COG4: variants seen among roughly 807,000 people sequenced by gnomAD.
COG4 encodes component of oligomeric golgi complex 4, also known as conserved oligomeric Golgi complex subunit 4.
COG4 carries 65 observed loss-of-function variants against 95.1 expected under a neutral mutation model. The ratio of observed to expected loss-of-function variants is 0.68; its 90% CI spans 0.56 to 0.84. The LOEUF (loss-of-function observed/expected upper bound fraction) is 0.84. Ranked by LOEUF, COG4 falls within the 40% of genes least tolerant of loss-of-function variation. The probability of loss-of-function intolerance (pLI) is 0.00; values close to 1 mark genes in which losing one functional copy is unlikely to be tolerated. For synonymous variants in COG4, 421 were observed against 374.8 expected, an observed-to-expected ratio of 1.12 and a Z score of -1.42; for missense variants, 1,045 against 989.1, an observed-to-expected ratio of 1.06 and a Z score of -0.76.
intron 13 of COG4, among the ~76,000 whole-genome samples, chr16:70,485,553 C>G (rs1055054585): frequency 7.3e-5 from 11 of 149,968 alleles, no homozygotes; most frequent in Non-Finnish European, 3.0e-5. Context: ...GACTCTAGGC[C>G]AGGTATTCTG....
chr16:70,517,653 G>C lies in COG4; in HGVS notation c.342C>G (p.Ser114Arg). The C allele has an allele frequency of 6.3e-7, 1 of 1,583,100 alleles. No individual in the cohort carries two copies. ...FTCNLAENVS[S>R]KVRQLDLAKN... ...TGGCCAGGTCAAGCTGACGAACTTTGCTGGACACATTCTCAGCCAGGTTGC... is the reference window on the plus strand; with the variant it reads ...TGGCCAGGTCAAGCTGACGAACTTTCCTGGACACATTCTCAGCCAGGTTGC... Residue 114 changes from serine to arginine, a missense_variant, in exon 3 of 19, where the codon AGC (serine) becomes AGG (arginine). Physicochemically the swap from Ser to Arg is moderately radical, Grantham distance 110 (BLOSUM62 -1). Transcript: ENST00000323786.
chr16:70,495,207 A>G (rs907964548), intron 12 of COG4, among the ~76,000 whole-genome samples: 2 of 151,016 alleles, frequency 1.3e-5, no homozygotes, highest in Non-Finnish European at 2.9e-5. Context: ...CCTGGCCAAC[A>G]TGGCAAAACC....
At chr16:70,492,200 C>T (rs911302122) in intron 12 of COG4, among the ~76,000 whole-genome samples, 1 of 152,162 alleles carries the variant, frequency 6.6e-6, no homozygotes, top group Non-Finnish European at 1.5e-5. Flanking sequence ...ACCCCTTCCC[C>T]CATAATTTGC....
chr16:70,523,477 C>A lies in COG4; in HGVS notation c.67G>T (p.Gly23Trp), dbSNP rs367707841. 1 of 1,614,032 alleles carries A rather than the reference C, an allele frequency of 6.2e-7. No homozygotes were observed. Among genetic ancestry groups the A allele is most frequent in the Admixed American group, 1.7e-5 (1 of 60,000 alleles). Residue 23 changes from glycine (G) to tryptophan (W), a missense_variant, in exon 1 of 19, where the codon GGG (glycine) becomes TGG (tryptophan). Coordinates refer to ENST00000323786, the MANE Select transcript of COG4 (RefSeq NM_015386.3). ...KLSGVQQPSE[G>W]VGGGRCSEIS... Reference sequence around the variant, plus strand: ...TCGGAGCAGCGGCCACCTCCCACCCCCTCAGACGGCTGCTGCACCCCTGAC... The same window carrying A: ...TCGGAGCAGCGGCCACCTCCCACCCACTCAGACGGCTGCTGCACCCCTGAC...
rs768308043 is a variant in COG4 at position 70,483,951 on chromosome 16, A to G, written c.1729T>C (p.Phe577Leu). ...KTLESDCTKL[F>L]SQGIGGEQAQ... ...TGCTCCCCTCCAATGCCCTGGCTGA[A>G]GAGCTTGGTGCAGTCACTCTAGGGG... The change falls in exon 14 of 19, where the codon TTC becomes CTC. Residue 577 changes from phenylalanine (F) to leucine (L), a missense_variant. By Grantham distance (22) the Phe-to-Leu change is conservative. Coordinates refer to ENST00000323786, the MANE Select transcript of COG4 (RefSeq NM_015386.3). 1 of 1,612,590 alleles carries G rather than the reference A, an allele frequency of 6.2e-7. No individual in the cohort carries two copies. Among genetic ancestry groups the G allele is most frequent in the Non-Finnish European group, 8.5e-7 (1 of 1,179,838 alleles).
At chr16:70,516,675 T>C (rs1370075254) in intron 3 of COG4, among the ~76,000 whole-genome samples, 3 of 152,162 alleles carry the variant, frequency 2.0e-5, no homozygotes, top group Non-Finnish European at 4.4e-5. Context: ...GGCTTTGTTA[T>C]CTCACATTAG....
intron 2 of COG4, among the ~76,000 whole-genome samples, chr16:70,518,985 A>G (rs2049881373): frequency 2.0e-5 from 3 of 152,066 alleles, no homozygotes; most frequent in African/African-American, 7.2e-5. Flanking sequence ...CTCAAAAAAA[A>G]AAAAAAAGGT....
At chr16:70,486,723 G>A (rs574501717) in intron 13 of COG4, among the ~76,000 whole-genome samples, 2 of 152,348 alleles carry the variant, frequency 1.3e-5, no homozygotes, top group South Asian at 2.1e-4. Flanking sequence ...TCGGCCGGGC[G>A]CCGTGGCTCA....
intron 12 of COG4, among the ~76,000 whole-genome samples, chr16:70,495,105 T>G (rs2049312738): frequency 6.6e-6 from 1 of 151,794 alleles, no homozygotes; most frequent in Non-Finnish European, 1.5e-5. Context: ...TTTAAGAATA[T>G]GATAACCAGG....
rs758545148 is a variant in COG4 at position 70,496,336 on chromosome 16, C to T, written c.1577G>A (p.Ser526Asn). The T allele has an allele frequency of 6.2e-7, 1 of 1,614,202 alleles. No individual in the cohort carries two copies. Among genetic ancestry groups the T allele is most frequent in the Non-Finnish European group, 8.5e-7 (1 of 1,180,030 alleles). ...GTCAAATTTGCCTTGCTGGAGGCTG[C>T]TGTGCATGATGTTCACGGCACTTGT... ...GVTSAVNIMH[S>N]SLQQGKFDTK... The change falls in exon 12 of 19, where the codon AGC becomes AAC. Residue 526 changes from serine to asparagine, a missense_variant. Ser to Asn is a conservative substitution (Grantham distance 46). Transcript: ENST00000323786.
chr16:70,509,996 A>C lies in COG4; in HGVS notation c.764T>G (p.Leu255Arg), dbSNP rs1460244260. ...CATGTCTGTCCCCAGCACCATGAGCAGATTCTCCTCAGCTTTACTGGCCAC... is the reference window on the plus strand; with the variant it reads ...CATGTCTGTCCCCAGCACCATGAGCCGATTCTCCTCAGCTTTACTGGCCAC... ...KQVASKAEENLLMVLGTDMSD... is the reference protein window; with the variant it reads ...KQVASKAEENRLMVLGTDMSD... Residue 255 changes from leucine to arginine, a missense_variant, in exon 6 of 19, where the codon CTG becomes CGG. Transcript: ENST00000323786. The C allele has an allele frequency of 5.6e-6, 9 of 1,613,940 alleles. No homozygotes were observed. Among genetic ancestry groups the C allele is most frequent in the Non-Finnish European group, 7.6e-6 (9 of 1,179,964 alleles).
Position 70,501,020 on chromosome 16 carries a change from T to C in COG4, c.1133A>G (p.Lys378Arg). The C allele has an allele frequency of 6.2e-7, 1 of 1,614,044 alleles. No individual in the cohort carries two copies. ...ARSELYLRFL[K>R]KRISSDFEVG... ...CTCAAAATCAGAGCTAATCCTCTTC[T>C]TGAGGAAGCGTAAGTATAGCTCACT... is the stretch of plus-strand genomic sequence containing the variant. The change falls in exon 9 of 19, where the codon AAG becomes AGG. Residue 378 changes from lysine (K) to arginine (R), a missense_variant. By Grantham distance (26) the Lys-to-Arg change is conservative. Transcript: ENST00000323786.
At chr16:70,484,079 G>A (rs563485551) in intron 13 of COG4, 110 bp from the exon 14 acceptor site, 64 of 839,192 alleles carry the variant, frequency 7.6e-5, no homozygotes, top group African/African-American at 3.7e-4. Flanking sequence ...TCAAGAGCCC[G>A]GATGGGTTTC....
chr16:70,490,463 G>T, intron 12 of COG4, 71 bp from the exon 13 acceptor site: 2 of 1,248,422 alleles, frequency 1.6e-6, no homozygotes, highest in Non-Finnish European at 2.4e-6. Flanking sequence ...TGCCAGACTG[G>T]CTGACAGCTG....
intron 9 of COG4, among the ~76,000 whole-genome samples, chr16:70,499,951 C>T (rs1032320312): frequency 3.9e-5 from 6 of 151,910 alleles, no homozygotes; most frequent in African/African-American, 1.2e-4. Context: ...TGAGCCACCG[C>T]GCCCGACCTA....
chr16:70,516,612 T>C (rs1221290486), intron 3 of COG4, among the ~76,000 whole-genome samples: 1 of 152,112 alleles, frequency 6.6e-6, no homozygotes, highest in Non-Finnish European at 1.5e-5. Context: ...AGTACCTTTA[T>C]GTCTATATTC....
At chr16:70,499,662 A>G (rs1297051590) in intron 9 of COG4, among the ~76,000 whole-genome samples, 1 of 152,102 alleles carries the variant, frequency 6.6e-6, no homozygotes, top group Non-Finnish European at 1.5e-5. Flanking sequence ...TGCCTTTTAA[A>G]CAATTTATTT....
intron 7 of COG4, chr16:70,508,707 T>C (rs180946015): frequency 5.1e-5 from 33 of 648,560 alleles, no homozygotes; most frequent in Middle Eastern, 2.5e-4. Context: ...GGTGTTCCAA[T>C]AGACTACTGT....
At chr16:70,507,309 CATA>C (rs1428816765) in intron 8 of COG4, among the ~76,000 whole-genome samples, 1 of 151,992 alleles carries the variant, frequency 6.6e-6, no homozygotes. Context: ...AGAGGGTTCC[CATA>C]ATATTATACC....
Sources: allele counts gnomAD v4.1 joint callset (sites outside exome capture counted in the v4.1 genomes callset), GRCh38; gene constraint gnomAD v4.1.1; transcripts MANE v1.5; gene names NCBI Gene and HGNC (gene_info 2026-07-23, HGNC 2026-07-21).